The following BRSK2 variants were observed in gnomAD, a reference collection of about 807,000 sequenced individuals.
BRSK2 encodes the protein serine/threonine-protein kinase BRSK2.
A neutral mutation model predicts 83.3 loss-of-function variants in BRSK2; 19 were observed. The ratio of observed to expected loss-of-function variants is 0.23; its 90% CI spans 0.16 to 0.33. BRSK2 has a LOEUF of 0.33. Ranked by LOEUF, BRSK2 falls within the 10% of genes least tolerant of loss-of-function variation. BRSK2 has a pLI of 1.00. For missense variants in BRSK2, 798 were observed against 1,042.3 expected (o/e 0.77, Z 3.23); for synonymous variants, 519 against 435.4 (o/e 1.19, Z -2.39).
chr11:1,395,403 A>G (rs1053231254), intron 1 of BRSK2, among the ~76,000 whole-genome samples: 1 of 152,150 alleles, frequency 6.6e-6, no homozygotes, highest in African/African-American at 2.4e-5. Flanking sequence ...GCCAGGGTGG[A>G]GGCCTCAAGA....
chr11:1,439,559 G>T (rs1384212876), intron 3 of BRSK2, among the ~76,000 whole-genome samples: 3 of 152,054 alleles, frequency 2.0e-5, no homozygotes, highest in African/African-American at 7.3e-5. Context: ...GGGGGGATGG[G>T]CACAGCAGGC....
intron 15 of BRSK2, among the ~76,000 whole-genome samples, chr11:1,453,253 C>T (rs1463125807): frequency 6.6e-6 from 1 of 152,206 alleles, no homozygotes; most frequent in Non-Finnish European, 1.5e-5. Context: ...CAGTGCAGGC[C>T]CCTCACCCCT....
At chr11:1,403,057 G>A (rs552044637) in intron 1 of BRSK2, among the ~76,000 whole-genome samples, 1 of 152,168 alleles carries the variant, frequency 6.6e-6, no homozygotes. Flanking sequence ...GCCACCACGG[G>A]GTAGGTGCCT....
Position 1,438,269 on chromosome 11 carries a change from C to G in BRSK2, c.187-37C>G, listed in dbSNP as rs200814017. On this transcript the variant is annotated intron_variant, in intron 2 of 19. Coordinates refer to ENST00000528841, the MANE Select transcript of BRSK2 (RefSeq NM_001256627.2). The surrounding 1 kb of genome is among the most constrained non-coding windows in gnomAD (Gnocchi z 6.4). Reference sequence around the variant, plus strand: ...TGTGGGGAGCGATGCGTGCCCCAGCCCTGTGAGCGTGATGTTCTCTGGCCT... The same window carrying G: ...TGTGGGGAGCGATGCGTGCCCCAGCGCTGTGAGCGTGATGTTCTCTGGCCT... The G allele has an allele frequency of 6.2e-7, 1 of 1,601,502 alleles. No homozygotes were observed. The highest frequency in any genetic ancestry group is 1.3e-5 in the African/African-American group (1 of 74,804).
intron 18 of BRSK2, 91 bp downstream of exon 18, chr11:1,456,778 C>A (rs1009262159): frequency 3.6e-6 from 5 of 1,398,500 alleles, no homozygotes; most frequent in Non-Finnish European, 4.9e-6. Context: ...AGGACCCGGG[C>A]GCAGCCTCCT....
At chr11:1,426,993 G>A (rs1473368066) in intron 1 of BRSK2, among the ~76,000 whole-genome samples, 1 of 152,136 alleles carries the variant, frequency 6.6e-6, no homozygotes, top group African/African-American at 2.4e-5. Context: ...GCGTGCCGGG[G>A]CGGTGAGGGG....
At chr11:1,416,991 T>G (rs972232542) in intron 1 of BRSK2, among the ~76,000 whole-genome samples, 1 of 152,076 alleles carries the variant, frequency 6.6e-6, no homozygotes, top group Non-Finnish European at 1.5e-5. Context: ...AAACCCCATC[T>G]CTACTAAAAA....
chr11:1,398,286 C>T (rs1846248220), intron 1 of BRSK2, among the ~76,000 whole-genome samples: 1 of 152,186 alleles, frequency 6.6e-6, no homozygotes, highest in Admixed American at 6.5e-5. Flanking sequence ...GAATCAGCTG[C>T]AGGGCTAGCT....
At position 1,445,578 on chromosome 11, in the gene BRSK2, CAGG is replaced by C; in HGVS notation, c.988_990del (p.Glu330del). ...GCCTCTCGCCCGCTGTAGGGAGAAC[CAGG>C]AGAAGATGATTTACTTCCTCCTCCT... On this transcript the variant is annotated inframe_deletion, in exon 11 of 20. Coordinates refer to ENST00000528841, the MANE Select transcript of BRSK2 (RefSeq NM_001256627.2). 6.3e-7 allele frequency: 1 copy of C among 1,576,894 alleles called. No individual in the cohort carries two copies. Among genetic ancestry groups the C allele is most frequent in the Non-Finnish European group, 8.6e-7 (1 of 1,161,610 alleles).
intron 1 of BRSK2, among the ~76,000 whole-genome samples, chr11:1,414,091 A>G (rs1398900124): frequency 6.6e-6 from 1 of 152,260 alleles, no homozygotes; most frequent in East Asian, 1.9e-4. Context: ...ATTTAAAAGG[A>G]AGAGTTTGCC....
Position 1,460,796 on chromosome 11 carries a change from G to A in BRSK2, c.*73G>A. ...CCGCCCGCCGCCCGCCCTGCCCCGA[G>A]TGGACCCGCGGCCGCGCCGCCCGTC... is the stretch of plus-strand genomic sequence containing the variant. On this transcript the variant is annotated 3_prime_UTR_variant, in exon 20 of 20. Transcript: ENST00000528841. 3 of 1,461,608 alleles carry A rather than the reference G, an allele frequency of 2.1e-6. No individual in the cohort carries two copies. Among genetic ancestry groups the A allele is most frequent in the Non-Finnish European group, 2.7e-6 (3 of 1,115,632 alleles). The allele number at this position is 1,461,608 out of a possible 1,614,324, so 90.5% of individuals were successfully genotyped here.
intron 1 of BRSK2, among the ~76,000 whole-genome samples, chr11:1,424,291 G>A (rs375733527): frequency 1.3e-5 from 2 of 152,112 alleles, no homozygotes; most frequent in Non-Finnish European, 2.9e-5. Context: ...GTCCACCTGC[G>A]AGGCCCTCAC....
chr11:1,459,366 G>A, intron 19 of BRSK2, 127 bp downstream of exon 19: 1 of 1,040,914 alleles, frequency 9.6e-7, no homozygotes, highest in Non-Finnish European at 1.5e-6. Context: ...GCACCCAGCA[G>A]CCCAGATGTC....
At position 1,445,617 on chromosome 11, in the gene BRSK2, G is replaced by A; in HGVS notation, c.1024G>A (p.Glu342Lys). The change falls in exon 11 of 20, where the codon GAA (glutamate) becomes AAA (lysine). Residue 342 changes from glutamate to lysine, a missense_variant. By Grantham distance (56) the Glu-to-Lys change is moderately conservative (BLOSUM62 1). Around this residue, in one of 6 missense-constraint regions of BRSK2, gnomAD observed 145 missense variants for 225.4 expected, o/e 0.64. Coordinates refer to ENST00000528841, the MANE Select transcript of BRSK2 (RefSeq NM_001256627.2). Reference sequence around the variant, plus strand: ...TTACTTCCTCCTCCTGGACCGGAAAGAAAGGTACCCGAGCCAGGAGGATGA... The same window carrying A: ...TTACTTCCTCCTCCTGGACCGGAAAAAAAGGTACCCGAGCCAGGAGGATGA... ...MIYFLLLDRKERYPSQEDEDL... is the reference protein window; with the variant it reads ...MIYFLLLDRKKRYPSQEDEDL... 1 of 1,577,084 alleles carries A rather than the reference G, an allele frequency of 6.3e-7. No homozygotes were observed. The highest frequency in any genetic ancestry group is 8.6e-7 in the Non-Finnish European group (1 of 1,161,752).
chr11:1,409,854 G>A (rs1331882790), intron 1 of BRSK2: 2 of 152,126 alleles, frequency 1.3e-5, no homozygotes, highest in Admixed American at 6.6e-5. Context: ...AGAGCCCTGC[G>A]TGCAGGTGGG....
chr11:1,401,108 G>A (rs1332270595), intron 1 of BRSK2, among the ~76,000 whole-genome samples: 3 of 152,102 alleles, frequency 2.0e-5, no homozygotes, highest in East Asian at 3.9e-4. Flanking sequence ...AGCTGCACGG[G>A]GCAGGGTGGA....
At chr11:1,439,426 G>A (rs571726259) in intron 3 of BRSK2, among the ~76,000 whole-genome samples, 24 of 151,980 alleles carry the variant, frequency 1.6e-4, no homozygotes, top group Non-Finnish European at 3.1e-4. Context: ...GGGCGGGGGT[G>A]GTCCTGGCCC....
In BRSK2 at chr11:1,451,368, C is replaced by G; in HGVS notation, c.1496-3C>G. The G allele has an allele frequency of 6.2e-7, 1 of 1,612,976 alleles. No individual in the cohort carries two copies. On this transcript the variant is annotated splice_region_variant and splice_polypyrimidine_tract_variant and intron_variant, in intron 14 of 19. Coordinates refer to ENST00000528841, the MANE Select transcript of BRSK2 (RefSeq NM_001256627.2). ...TTTCCTCCTGTTCATCCTGTGTGCA[C>G]AGTTCCGACGCCGGAGGAGATGTCC...
Position 1,456,666 on chromosome 11 carries a change from C to CCTG in BRSK2, c.1920_1922dup (p.Ala642dup). 1 of 1,608,022 alleles carries CCTG rather than the reference C, an allele frequency of 6.2e-7. No homozygotes were observed. The highest frequency in any genetic ancestry group is 8.5e-7 in the Non-Finnish European group (1 of 1,178,160). On this transcript the variant is annotated inframe_insertion, in exon 18 of 20. Transcript: ENST00000528841. ...CCAGCTGCTGAGCACACACGACCCG[C>CCTG]CTGCGGCCCAGCACTTGTCAGGTGA...
Sources: gnomAD v4.1 joint callset for allele counts (sites outside exome capture counted in the v4.1 genomes callset) on GRCh38, gnomAD v4.1.1 for gene constraint, gnomAD v4.1.1 regional missense constraint, Gnocchi (gnomAD v3.1) non-coding constraint, MANE v1.5 for transcripts, NCBI Gene and HGNC (gene_info 2026-07-23, HGNC 2026-07-21) for gene names.